HK1: variants seen among roughly 807,000 people sequenced by gnomAD.
HK1 encodes the protein hexokinase 1.
A neutral mutation model predicts 91.6 loss-of-function variants in HK1; 28 were observed. The observed-to-expected ratio is 0.31, with a 90% CI of 0.23 to 0.42. The LOEUF (loss-of-function observed/expected upper bound fraction) is 0.42. Among genes scored for constraint, HK1 ranks in the 10% least tolerant of loss-of-function variants. The pLI, the probability that HK1 is intolerant of heterozygous loss-of-function variation, is 1.00. For missense variants in HK1, 770 were observed against 1,219.8 expected (o/e 0.63, Z 5.49); for synonymous variants, 430 against 468.1 (o/e 0.92, Z 1.05).
intron 2 of HK1, chr10:69,282,802 C>T (rs183871445): frequency 6.6e-6 from 1 of 152,224 alleles, no homozygotes; most frequent in East Asian, 1.9e-4. Flanking sequence ...CATTAAGTAG[C>T]TTCCTGTCCT....
chr10:69,352,488 A>AATTTGG (rs1848928590), intron 2 of HK1, among the ~76,000 whole-genome samples: 2 of 152,204 alleles, frequency 1.3e-5, no homozygotes, highest in Non-Finnish European at 2.9e-5. Flanking sequence ...AATAATTTAA[A>AATTTGG]ACCAGTGGCT....
intron 5 of HK1, among the ~76,000 whole-genome samples, chr10:69,309,335 C>T (rs1846250411): frequency 6.6e-6 from 1 of 150,520 alleles, no homozygotes; most frequent in Admixed American, 6.6e-5. Context: ...GCACCCGCCA[C>T]CACGCCCGGC....
intron 3 of HK1, chr10:69,295,512 G>A: frequency 1.4e-6 from 1 of 739,662 alleles, no homozygotes; most frequent in Non-Finnish European, 2.4e-6. Context: ...GACATTCCAA[G>A]GTTACTTGTA....
At chr10:69,297,096 C>G (rs1319108959) in intron 4 of HK1, among the ~76,000 whole-genome samples, 1 of 152,174 alleles carries the variant, frequency 6.6e-6, no homozygotes, top group Non-Finnish European at 1.5e-5. Flanking sequence ...CCCCCAAAAC[C>G]AAACTGCTAA....
chr10:69,325,874 G>T (rs144613651), intron 1 of HK1, among the ~76,000 whole-genome samples: 3 of 148,878 alleles, frequency 2.0e-5, no homozygotes, highest in Non-Finnish European at 3.0e-5. Flanking sequence ...TTACTCTGTC[G>T]CCTGGGTTGT....
At chr10:69,324,040 T>C (rs1488185651) in intron 1 of HK1, among the ~76,000 whole-genome samples, 8 of 152,140 alleles carry the variant, frequency 5.3e-5, no homozygotes, top group African/African-American at 1.9e-4. Context: ...TATGGATTTG[T>C]TTTTATTTTT....
chr10:69,282,293 T>A (rs1331680158), intron 1 of HK1, among the ~76,000 whole-genome samples: 1 of 152,132 alleles, frequency 6.6e-6, no homozygotes, highest in Non-Finnish European at 1.5e-5. Flanking sequence ...TGTCACCATT[T>A]CTGTCCCCAC....
chr10:69,341,249 C>T (rs1848277097), intron 1 of HK1, among the ~76,000 whole-genome samples: 2 of 150,746 alleles, frequency 1.3e-5, no homozygotes, highest in Admixed American at 1.3e-4. Context: ...GCAACCTCTG[C>T]TTCCCCAGCT....
At chr10:69,315,762 A>G (rs187500777), upstream of HK1, 1,337 of 657,232 alleles carry the variant, frequency 2.0e-3, 3 homozygotes, top group Non-Finnish European at 1.7e-3. Context: ...GGCAGTCATG[A>G]CTCAGTGTTA....
At chr10:69,295,511 A>G (rs1845519737) in intron 3 of HK1, 2 of 735,608 alleles carry the variant, frequency 2.7e-6, no homozygotes, top group East Asian at 5.2e-5. Context: ...AGACATTCCA[A>G]GGTTACTTGT....
Position 69,380,189 on chromosome 10 carries a change from T to A in HK1, c.1265+94T>A. On this transcript the variant is annotated intron_variant, in intron 9 of 17. Transcript: ENST00000359426. This position sits in a 1 kb window ranked among gnomAD's most constrained non-coding sequence, Gnocchi z 4.0. ...GACTTTTGTACCCGGTAAACGTTTTTCGGCAGACAAGACAATGGTGGTCGG... is the reference window on the plus strand; with the variant it reads ...GACTTTTGTACCCGGTAAACGTTTTACGGCAGACAAGACAATGGTGGTCGG... 9.8e-7 allele frequency: 1 copy of A among 1,016,824 alleles called. No homozygotes were observed. Among genetic ancestry groups the A allele is most frequent in the East Asian group, 2.5e-5 (1 of 39,390 alleles). The allele number at this position is 1,016,824 out of a possible 1,614,324, so 63.0% of individuals were successfully genotyped here.
intron 1 of HK1, among the ~76,000 whole-genome samples, chr10:69,329,475 G>A (rs1847584976): frequency 6.6e-6 from 1 of 152,042 alleles, no homozygotes; most frequent in African/African-American, 2.4e-5. Flanking sequence ...ATGCTTTCAT[G>A]TCTGTTGGGT....
chr10:69,336,766 A>AG (rs1848014416), intron 1 of HK1, among the ~76,000 whole-genome samples: 1 of 151,174 alleles, frequency 6.6e-6, no homozygotes, highest in South Asian at 2.1e-4. Flanking sequence ...CAGCTTCCCA[A>AG]GTAGCTGGGA....
At chr10:69,388,906 A>G (rs1260308031) in intron 13 of HK1, among the ~76,000 whole-genome samples, 2 of 152,250 alleles carry the variant, frequency 1.3e-5, no homozygotes, top group African/African-American at 2.4e-5. Context: ...GGAAGAAGCT[A>G]TTTGACCATT....
At chr10:69,379,830 C>T (rs972290973) in intron 8 of HK1, 32 bp from the exon 9 acceptor site, 1 of 1,460,774 alleles carries the variant, frequency 6.8e-7, no homozygotes, top group African/African-American at 1.4e-5. Context: ...ATGTGGTCCT[C>T]AGTGCATCAG....
chr10:69,282,357 A>G (rs1450626644), intron 1 of HK1, among the ~76,000 whole-genome samples: 2 of 152,186 alleles, frequency 1.3e-5, no homozygotes, highest in Admixed American at 1.3e-4. Flanking sequence ...ACCATGAAGC[A>G]CTGTCTGAAT....
chr10:69,367,726 T>C (rs529804251), intron 4 of HK1, among the ~76,000 whole-genome samples: 453 of 152,114 alleles, frequency 3.0e-3, no homozygotes, highest in Non-Finnish European at 4.7e-3. Context: ...GCCTGGACCG[T>C]GAATCTTCCA....
chr10:69,376,897 G>T (rs1182931963), intron 7 of HK1, 37 bp from the exon 8 acceptor site: 1 of 1,613,508 alleles, frequency 6.2e-7, no homozygotes, highest in Non-Finnish European at 8.5e-7. Context: ...GGGGCGCAGA[G>T]GAAGGCTGAC....
intron 11 of HK1, 96 bp downstream of exon 11, chr10:69,384,577 T>G: frequency 6.6e-7 from 1 of 1,509,120 alleles, no homozygotes; most frequent in Non-Finnish European, 9.2e-7. Flanking sequence ...GGTGCCCACA[T>G]GGATTTGTGT....
Sources: allele counts gnomAD v4.1 joint callset (sites outside exome capture counted in the v4.1 genomes callset), GRCh38; gene constraint gnomAD v4.1.1; non-coding constraint Gnocchi (gnomAD v3.1); transcripts MANE v1.5; gene names NCBI Gene and HGNC (gene_info 2026-07-23, HGNC 2026-07-21).